MACROD2: variants seen among roughly 807,000 people sequenced by gnomAD.
The protein encoded by MACROD2 is mono-ADP ribosylhydrolase 2, also known as ADP-ribose glycohydrolase MACROD2.
MACROD2 carries 36 observed loss-of-function variants against 70.4 expected under a neutral mutation model. The ratio of observed to expected loss-of-function variants is 0.51; its 90% CI spans 0.39 to 0.68. MACROD2 has a LOEUF of 0.68. Ranked by LOEUF, MACROD2 falls within the 30% of genes least tolerant of loss-of-function variation. The probability of loss-of-function intolerance (pLI) is 0.00; values close to 1 mark genes in which losing one functional copy is unlikely to be tolerated. For missense variants in MACROD2, 496 were observed against 538.4 expected (o/e 0.92, Z 0.78); for synonymous variants, 172 against 178.8 (o/e 0.96, Z 0.30).
intron 3 of MACROD2, chr20:14,323,517 A>G (rs1006608239): frequency 5.9e-5 from 9 of 152,096 alleles, no homozygotes; most frequent in African/African-American, 2.2e-4. Flanking sequence ...TGATTAAACC[A>G]CTGGTCACTG....
At chr20:15,391,480 C>G (rs965718445) in intron 6 of MACROD2, among the ~76,000 whole-genome samples, 1 of 152,164 alleles carries the variant, frequency 6.6e-6, no homozygotes, top group African/African-American at 2.4e-5. Context: ...AGTGGTGAAT[C>G]TGACTTTGCC....
intron 5 of MACROD2, among the ~76,000 whole-genome samples, chr20:15,216,880 A>T (rs1006903597): frequency 7.9e-5 from 12 of 152,142 alleles, no homozygotes; most frequent in Non-Finnish European, 1.6e-4. Context: ...AGCACTTGTC[A>T]CTGTTTGACA....
At chr20:14,862,027 ATT>A (rs1491437365) in intron 5 of MACROD2, among the ~76,000 whole-genome samples, 16 of 13,496 alleles carry the variant, frequency 1.2e-3, no homozygotes, top group Non-Finnish European at 2.1e-3. Flanking sequence ...ATTTATATAT[ATT>A]TATATATATT....
intron 3 of MACROD2, among the ~76,000 whole-genome samples, chr20:14,228,933 G>A (rs1178017211): frequency 6.6e-6 from 1 of 151,188 alleles, no homozygotes; most frequent in Non-Finnish European, 1.5e-5. Context: ...CTTGAACCTG[G>A]GAGGCAGCAG....
intron 8 of MACROD2, among the ~76,000 whole-genome samples, chr20:15,532,067 A>AT (rs1568872502): frequency 6.6e-6 from 1 of 152,122 alleles, no homozygotes; most frequent in Non-Finnish European, 1.5e-5. Flanking sequence ...GCATGGTAAG[A>AT]ACTTAGTATA....
chr20:14,779,176 T>C (rs189531313), intron 5 of MACROD2, among the ~76,000 whole-genome samples: 1 of 152,148 alleles, frequency 6.6e-6, no homozygotes, highest in African/African-American at 2.4e-5. Context: ...AAGCTCAGAG[T>C]GTACATACAG....
rs148473321 is a variant in MACROD2 at position 15,349,268 on chromosome 20, G to A, written c.541-82137G>A. On this transcript the variant is annotated intron_variant, in intron 6 of 17. Coordinates refer to ENST00000684519, the MANE Select transcript of MACROD2 (RefSeq NM_001351661.2). ...TTTTTTCAGTGTATTTGCTAGAAAT[G>A]TATCCTTTTTCATTCATCTGCTGGA... is the stretch of plus-strand genomic sequence containing the variant. Among the ~76,000 whole-genome samples the A allele has an allele frequency of 5.5e-4, 83 of 152,252 alleles. 1 individual carries two copies. In the East Asian group the frequency reaches 0.016, roughly 29 times the overall value.
At chr20:14,657,741 T>C (rs1447324999) in intron 4 of MACROD2, among the ~76,000 whole-genome samples, 2 of 151,972 alleles carry the variant, frequency 1.3e-5, no homozygotes, top group Non-Finnish European at 2.9e-5. Flanking sequence ...AAAATTTTCC[T>C]TCACTAATGT....
rs143945554 is a variant in MACROD2, at chr20:14,751,922, C to G, written c.418+66963C>G. Among the ~76,000 whole-genome samples, 28 of 152,104 alleles carry G rather than the reference C, an allele frequency of 1.8e-4. 1 individual carries two copies. The East Asian group carries it at 5.4e-3, about 29-fold the overall frequency. On this transcript the variant is annotated intron_variant, in intron 5 of 17. Transcript: ENST00000684519. ...ATAATCTTACCTACCTTTGGAGTAG[C>G]AATGAGTACTATAGGCTTTTGCCTT...
intron 4 of MACROD2, among the ~76,000 whole-genome samples, chr20:14,599,493 G>A (rs1413214091): frequency 6.6e-6 from 1 of 152,148 alleles, no homozygotes; most frequent in African/African-American, 2.4e-5. Flanking sequence ...GAACATTTCT[G>A]TAATACTCCT....
chr20:16,045,406 G>A (rs1014078623), intron 17 of MACROD2, among the ~76,000 whole-genome samples: 3 of 152,110 alleles, frequency 2.0e-5, no homozygotes, highest in Admixed American at 6.6e-5. Context: ...ACAACGTGTT[G>A]AGGCAAGGAA....
intron 8 of MACROD2, among the ~76,000 whole-genome samples, chr20:15,535,792 G>A (rs1328728397): frequency 7.2e-5 from 11 of 152,090 alleles, no homozygotes; most frequent in Admixed American, 7.2e-4. Context: ...TTCCAAATAA[G>A]TTCATACTGG....
chr20:14,233,698 C>CAAAA (rs1261096475), intron 3 of MACROD2, among the ~76,000 whole-genome samples: 75 of 26,908 alleles, frequency 2.8e-3, no homozygotes, highest in East Asian at 5.3e-3. Context: ...CTCCGTCTCA[C>CAAAA]AAAAAAAAAA....
Position 14,326,247 on chromosome 20 carries a change from A to T in MACROD2, c.272-167232A>T. ...GTTTCCAAGAGATATGAATGGTATC[A>T]GAGGTGACAGACTTCACAGTAATTG... is the stretch of plus-strand genomic sequence containing the variant. On this transcript the variant is annotated intron_variant, in intron 3 of 17. Transcript: ENST00000684519. The surrounding 1 kb of genome is among the most constrained non-coding windows in gnomAD (Gnocchi z 5.5). 1 of 1,613,970 alleles carries T rather than the reference A, an allele frequency of 6.2e-7. No homozygotes were observed. Among genetic ancestry groups the T allele is most frequent in the Non-Finnish European group, 8.5e-7 (1 of 1,179,870 alleles).
intron 4 of MACROD2, among the ~76,000 whole-genome samples, chr20:14,601,973 GCACGTCTATTTCTCCT>G (rs1982527009): frequency 6.6e-6 from 1 of 152,034 alleles, no homozygotes; most frequent in Non-Finnish European, 1.5e-5. Flanking sequence ...CTATTTATTT[GCACGTCTATTTCTCCT>G]CCTTGACGCT....
At chr20:15,546,359 C>T (rs2048026329) in intron 8 of MACROD2, among the ~76,000 whole-genome samples, 1 of 152,292 alleles carries the variant, frequency 6.6e-6, no homozygotes, top group Non-Finnish European at 1.5e-5. Context: ...CTCTCAACAA[C>T]CCCAGCAAGT....
intron 5 of MACROD2, among the ~76,000 whole-genome samples, chr20:14,858,246 C>A (rs1376883558): frequency 6.6e-6 from 1 of 152,082 alleles, no homozygotes; most frequent in East Asian, 1.9e-4. Context: ...GATAAATACG[C>A]CCCAAGGGTG....
intron 7 of MACROD2, among the ~76,000 whole-genome samples, chr20:15,450,152 T>C: frequency 6.6e-6 from 1 of 152,122 alleles, no homozygotes; most frequent in East Asian, 1.9e-4. Flanking sequence ...ATACATTATA[T>C]ACACTGTATA....
intron 8 of MACROD2, among the ~76,000 whole-genome samples, chr20:15,699,456 AGCACCTGTTCT>A (rs1455376242): frequency 6.6e-6 from 1 of 152,306 alleles, no homozygotes; most frequent in East Asian, 1.9e-4. Context: ...CACGGATACC[AGCACCTGTTCT>A]GCTGGAGGTG....
Sources: allele counts gnomAD v4.1 joint callset (sites outside exome capture counted in the v4.1 genomes callset), GRCh38; gene constraint gnomAD v4.1.1; non-coding constraint Gnocchi (gnomAD v3.1); transcripts MANE v1.5; gene names NCBI Gene and HGNC (gene_info 2026-07-23, HGNC 2026-07-21).